The following BDNF variants were observed in gnomAD, a reference collection of about 807,000 sequenced individuals.
The protein encoded by BDNF is neurotrophic factor BDNF precursor form.
In BDNF, 1 loss-of-function variant was observed where a neutral mutation model predicts 19.5. The observed-to-expected ratio is 0.05, with a 90% CI of 0.02 to 0.24. BDNF has a LOEUF of 0.24. Among genes scored for constraint, BDNF ranks in the 10% least tolerant of loss-of-function variants. The probability of loss-of-function intolerance (pLI) is 1.00; values close to 1 mark genes in which losing one functional copy is unlikely to be tolerated. For synonymous variants in BDNF, 100 were observed against 121.6 expected (o/e 0.82, Z 1.17); for missense variants, 195 against 317.6 (o/e 0.61, Z 2.93).
rs1282778796 is a variant in BDNF at position 27,666,152 on chromosome 11, AAC to A, written c.-21-7569_-21-7568del. On this transcript the variant is annotated intron_variant, in intron 1 of 1. Coordinates refer to ENST00000356660, the MANE Select transcript of BDNF (RefSeq NM_001709.5). ...AGCCTCTGCTGGTGATACCCAAGCA[AAC>A]AGGGTCTGGAGTGGACCTCCAGCAA... 7.5e-5 allele frequency among the ~76,000 whole-genome samples: 11 copies of A among 146,384 alleles called. 1 individual carries two copies. The Admixed American group carries it at 7.8e-4, about 10-fold the overall frequency.
At chr11:27,690,873 A>G (rs1266395696) in intron 1 of BDNF, among the ~76,000 whole-genome samples, 1 of 152,136 alleles carries the variant, frequency 6.6e-6, no homozygotes, top group African/African-American at 2.4e-5. Flanking sequence ...CTGAATACTA[A>G]AAGACCCATG....
intron 1 of BDNF, among the ~76,000 whole-genome samples, chr11:27,688,945 A>C (rs908874226): frequency 1.3e-5 from 2 of 152,262 alleles, no homozygotes; most frequent in African/African-American, 4.8e-5. Flanking sequence ...CTAAGGAACA[A>C]TACATCAAAA....
intron 1 of BDNF, chr11:27,698,016 T>C (rs1859329475): frequency 6.6e-6 from 1 of 152,006 alleles, no homozygotes; most frequent in Non-Finnish European, 1.5e-5. Context: ...GCTTTTAGTG[T>C]CATAATACTT....
intron 1 of BDNF, among the ~76,000 whole-genome samples, chr11:27,679,242 C>G (rs980074002): frequency 6.6e-6 from 1 of 152,088 alleles, no homozygotes; most frequent in African/African-American, 2.4e-5. Context: ...ATATAATGTC[C>G]TCTCACTTCT....
At chr11:27,713,393 T>G (rs1427634444) in intron 1 of BDNF, among the ~76,000 whole-genome samples, 6 of 152,200 alleles carry the variant, frequency 3.9e-5, no homozygotes, top group African/African-American at 1.4e-4. Context: ...TCCCTTTTTA[T>G]TTCTCAATTT....
intron 1 of BDNF, among the ~76,000 whole-genome samples, chr11:27,667,013 G>C (rs545028410): frequency 1.3e-5 from 2 of 152,084 alleles, no homozygotes; most frequent in African/African-American, 4.8e-5. Flanking sequence ...TAAGTGCAGC[G>C]AGAGAGAAAG....
chr11:27,702,756 G>T (rs1859959135), upstream of BDNF, among the ~76,000 whole-genome samples: 1 of 152,134 alleles, frequency 6.6e-6, no homozygotes, highest in African/African-American at 2.4e-5. Context: ...ACTAGTGACA[G>T]AAATTATTTA....
intron 1 of BDNF, among the ~76,000 whole-genome samples, chr11:27,662,327 A>G (rs1452982292): frequency 6.6e-6 from 1 of 152,246 alleles, no homozygotes; most frequent in Non-Finnish European, 1.5e-5. Flanking sequence ...AATGCTTAAC[A>G]GAGAAAAATG....
chr11:27,718,354 A>ACCCCCCCCCCCCCCCCC (rs376255605), intron 1 of BDNF, among the ~76,000 whole-genome samples: 14 of 101,110 alleles, frequency 1.4e-4, no homozygotes, highest in Non-Finnish European at 2.0e-4. Context: ...TCCGCACACC[A>ACCCCCCCCCCCCCCCCC]CCCCCCCCCG....
At chr11:27,696,278 G>A (rs1564983999) in intron 1 of BDNF, 1 of 152,102 alleles carries the variant, frequency 6.6e-6, no homozygotes. Flanking sequence ...TGTTTCCTAG[G>A]TTTAAATACC....
At chr11:27,720,364 C>T in intron 1 of BDNF, 1 of 985,928 alleles carries the variant, frequency 1.0e-6, no homozygotes, top group Non-Finnish European at 1.2e-6. Context: ...CGGCTTACAC[C>T]ACCCCGGTGG....
At chr11:27,667,341 A>G (rs1854529284) in intron 1 of BDNF, among the ~76,000 whole-genome samples, 1 of 152,260 alleles carries the variant, frequency 6.6e-6, no homozygotes, top group African/African-American at 2.4e-5. Context: ...CATTGAGGCT[A>G]GGAAGAAACT....
chr11:27,670,909 A>G (rs1392217995), intron 1 of BDNF, among the ~76,000 whole-genome samples: 3 of 152,258 alleles, frequency 2.0e-5, no homozygotes, highest in Admixed American at 6.5e-5. Flanking sequence ...ATTACTGGGT[A>G]TATACCCAGA....
chr11:27,686,153 C>T (rs998709167), intron 1 of BDNF, among the ~76,000 whole-genome samples: 1 of 151,982 alleles, frequency 6.6e-6, no homozygotes, highest in African/African-American at 2.4e-5. Flanking sequence ...TATGTAATGG[C>T]CTTCTTTGTC....
intron 1 of BDNF, among the ~76,000 whole-genome samples, chr11:27,671,564 T>C (rs1053988360): frequency 6.6e-6 from 1 of 152,182 alleles, no homozygotes; most frequent in Admixed American, 6.6e-5. Flanking sequence ...AAATAATTTT[T>C]TGTGTTAAAT....
At chr11:27,671,293 A>G (rs1855339085) in intron 1 of BDNF, among the ~76,000 whole-genome samples, 1 of 149,478 alleles carries the variant, frequency 6.7e-6, no homozygotes, top group African/African-American at 2.5e-5. Flanking sequence ...GTACCCTAGA[A>G]CTTAAAGTAT....
chr11:27,698,226 C>CAAAAAAAAAAAAAA lies in BDNF; in HGVS notation c.-22+1924_-22+1937dup, dbSNP rs10626744. 5.2e-4 allele frequency: 42 copies of CAAAAAAAAAAAAAA among 80,822 alleles called. 11 individuals are homozygous for CAAAAAAAAAAAAAA. The highest frequency in any genetic ancestry group is 2.2e-3 in the South Asian group (4 of 1,798). 5.0% of individuals were successfully genotyped at this position (80,822 alleles called of 1,614,324 possible). A position where few individuals can be genotyped will look rare whatever the true frequency, so the allele number is the denominator to read the frequency against. Reference sequence around the variant, plus strand: ...CCTGCTAACCCAGAGGTAAATTTCCCAAAAAAAAAAAAAAAAAAAAAAAAA... The same window carrying CAAAAAAAAAAAAAA: ...CCTGCTAACCCAGAGGTAAATTTCCCAAAAAAAAAAAAAAAAAAAAAAAAAAAAAAAAAAAAAAA... On this transcript the variant is annotated intron_variant, in intron 1 of 1. Transcript: ENST00000356660.
chr11:27,683,727 G>A (rs1352591989), intron 1 of BDNF, among the ~76,000 whole-genome samples: 6 of 151,976 alleles, frequency 3.9e-5, no homozygotes, highest in South Asian at 4.2e-4. Context: ...GATGTGTGGC[G>A]TTATTTCTGA....
intron 1 of BDNF, among the ~76,000 whole-genome samples, chr11:27,713,039 C>T (rs1860399413): frequency 6.7e-6 from 1 of 148,602 alleles, no homozygotes; most frequent in African/African-American, 2.5e-5. Context: ...TCCCAAGTAG[C>T]TGAGATTACA....
Sources: allele counts gnomAD v4.1 joint callset (sites outside exome capture counted in the v4.1 genomes callset), GRCh38; gene constraint gnomAD v4.1.1; transcripts MANE v1.5; gene names NCBI Gene and HGNC (gene_info 2026-07-23, HGNC 2026-07-21).